The following RNF19A variants were observed in gnomAD, a reference collection of about 807,000 sequenced individuals.
RNF19A encodes E3 ubiquitin-protein ligase RNF19A.
Under a neutral mutation model 75.7 loss-of-function variants are expected in RNF19A, and 32 were observed. That is an observed-to-expected ratio of 0.42 (90% CI 0.32 to 0.57). The LOEUF (loss-of-function observed/expected upper bound fraction) is 0.57. Among genes scored for constraint, RNF19A ranks in the 20% least tolerant of loss-of-function variants. RNF19A has a pLI of 0.10. For missense variants in RNF19A, 782 were observed against 1,036.3 expected (o/e 0.75, Z 3.37); for synonymous variants, 335 against 345.2 (o/e 0.97, Z 0.33).
intron 5 of RNF19A, among the ~76,000 whole-genome samples, chr8:100,268,023 T>A (rs1820069170): frequency 6.6e-6 from 1 of 151,968 alleles, no homozygotes; most frequent in African/African-American, 2.4e-5. Context: ...TCTGCTTGGG[T>A]ACAAGGTTGG....
At chr8:100,272,350 C>T (rs1342395941) in intron 3 of RNF19A, among the ~76,000 whole-genome samples, 4 of 151,890 alleles carry the variant, frequency 2.6e-5, no homozygotes, top group African/African-American at 7.3e-5. Context: ...ACTAAGCACA[C>T]ATCTTCAGTG....
In RNF19A at chr8:100,259,108, T is replaced by C. The variant is rs750555037; in HGVS notation, c.1965A>G (p.Glu655=). The part of the protein sequence containing the change: ...HAGGSSSGLP[E]GKSSATKWSK... Reference sequence around the variant, plus strand: ...ACCACTTGGTGGCACTAGATTTACCTTCAGGCAAGCCACTGGATGAACCGC... The same window carrying C: ...ACCACTTGGTGGCACTAGATTTACCCTCAGGCAAGCCACTGGATGAACCGC... Residue 655 remains glutamate, a synonymous_variant, in exon 10 of 10, where the codon GAA becomes GAG. Coordinates refer to ENST00000341084, the MANE Select transcript of RNF19A (RefSeq NM_183419.4). The surrounding 1 kb of genome is among the most constrained non-coding windows in gnomAD (Gnocchi z 4.5). 6.2e-7 allele frequency: 1 copy of C among 1,614,226 alleles called. No homozygotes were observed. Among genetic ancestry groups the C allele is most frequent in the Admixed American group, 1.7e-5 (1 of 60,026 alleles).
At chr8:100,292,114 A>C (rs1233565196) in intron 1 of RNF19A, among the ~76,000 whole-genome samples, 1 of 152,148 alleles carries the variant, frequency 6.6e-6, no homozygotes, top group Non-Finnish European at 1.5e-5. Context: ...AAGACAAATA[A>C]AAAATACTAT....
At chr8:100,335,264 C>T (rs73696710) in intron 1 of RNF19A, among the ~76,000 whole-genome samples, 2,953 of 152,250 alleles carry the variant, frequency 0.019, 94 homozygotes, top group African/African-American at 0.068. Context: ...ACCAGGTACC[C>T]ATCCTAAATG....
rs1819693633 is a variant in RNF19A, at chr8:100,261,139, G to A, written c.1682+403C>T. Among the ~76,000 whole-genome samples, 1 of 151,918 alleles carries A rather than the reference G, an allele frequency of 6.6e-6. No homozygotes were observed. Among genetic ancestry groups the A allele is most frequent in the Non-Finnish European group, 1.5e-5 (1 of 67,998 alleles). ...TGAGACAGGGTCTCACTGTCACTCA[G>A]GTTGGAGCTCAGTGGTGTGATCTTG... On this transcript the variant is annotated intron_variant, in intron 8 of 9. Coordinates refer to ENST00000341084, the MANE Select transcript of RNF19A (RefSeq NM_183419.4). The surrounding 1 kb of genome is among the most constrained non-coding windows in gnomAD (Gnocchi z 4.4).
At chr8:100,286,391 A>T (rs758849738) in intron 2 of RNF19A, among the ~76,000 whole-genome samples, 15 of 152,204 alleles carry the variant, frequency 9.9e-5, no homozygotes, top group Non-Finnish European at 1.9e-4. Flanking sequence ...TCTAATAATG[A>T]ATAATATCTG....
intron 1 of RNF19A, among the ~76,000 whole-genome samples, chr8:100,295,602 C>CTA (rs1430865921): frequency 1.3e-5 from 2 of 152,128 alleles, no homozygotes; most frequent in East Asian, 1.9e-4. Flanking sequence ...GCAGCATTTA[C>CTA]TATATGTAGT....
intron 1 of RNF19A, among the ~76,000 whole-genome samples, chr8:100,318,813 G>A (rs555303326): frequency 6.6e-6 from 1 of 152,332 alleles, no homozygotes; most frequent in African/African-American, 2.4e-5. Context: ...TTCACCCTCA[G>A]AGTGAAATCC....
At chr8:100,305,965 A>G (rs2130212901) in intron 1 of RNF19A, among the ~76,000 whole-genome samples, 1 of 152,310 alleles carries the variant, frequency 6.6e-6, no homozygotes, top group Admixed American at 6.5e-5. Flanking sequence ...GTTATATAAT[A>G]TTTATCTGGA....
upstream of RNF19A, among the ~76,000 whole-genome samples, chr8:100,312,629 AAG>A (rs1327993401): frequency 6.8e-6 from 1 of 146,390 alleles, no homozygotes; most frequent in African/African-American, 2.5e-5. Flanking sequence ...GAGGGAGAGA[AAG>A]AAAGAAAGAA....
intron 2 of RNF19A, among the ~76,000 whole-genome samples, chr8:100,277,630 A>G (rs1490556215): frequency 6.6e-6 from 1 of 152,140 alleles, no homozygotes; most frequent in Non-Finnish European, 1.5e-5. Flanking sequence ...TAGACCAATT[A>G]TCTAATTACC....
At chr8:100,316,249 G>C (rs981794504) in intron 1 of RNF19A, among the ~76,000 whole-genome samples, 2 of 152,108 alleles carry the variant, frequency 1.3e-5, no homozygotes, top group Non-Finnish European at 2.9e-5. Flanking sequence ...TTCGCGGTGA[G>C]TGTTACAGCT....
chr8:100,319,393 A>G (rs1045296640), intron 1 of RNF19A, among the ~76,000 whole-genome samples: 1 of 152,108 alleles, frequency 6.6e-6, no homozygotes, highest in African/African-American at 2.4e-5. Flanking sequence ...CTTTTCTCAT[A>G]TTTGTATTAT....
At chr8:100,328,652 A>G (rs1822571808) in intron 1 of RNF19A, among the ~76,000 whole-genome samples, 1 of 152,016 alleles carries the variant, frequency 6.6e-6, no homozygotes, top group South Asian at 2.1e-4. Context: ...TTGCATTTTC[A>G]GTAGAGACGG....
At chr8:100,314,384 C>T (rs1822343902), upstream of RNF19A, among the ~76,000 whole-genome samples, 1 of 152,112 alleles carries the variant, frequency 6.6e-6, no homozygotes, top group South Asian at 2.1e-4. The surrounding 1 kb of genome is among the most constrained non-coding windows in gnomAD (Gnocchi z 4.1). Flanking sequence ...ATCTGAGGCA[C>T]AAGAGTTTAA....
In RNF19A at chr8:100,260,090, AC is replaced by A; in HGVS notation, c.1683-94del. ...AATAATTCAGTTAAGAACCCTAGTA[AC>A]CAGAAGCTATTTTAGGAACCATTAT... On this transcript the variant is annotated intron_variant, in intron 8 of 9. Coordinates refer to ENST00000341084, the MANE Select transcript of RNF19A (RefSeq NM_183419.4). This position sits in a 1 kb window ranked among gnomAD's most constrained non-coding sequence, Gnocchi z 4.1. 1 of 1,100,596 alleles carries A rather than the reference AC, an allele frequency of 9.1e-7. No individual in the cohort carries two copies. Among genetic ancestry groups the A allele is most frequent in the Non-Finnish European group, 1.3e-6 (1 of 746,260 alleles). 68.2% of individuals were successfully genotyped at this position (1,100,596 alleles called of 1,614,324 possible). A position where few individuals can be genotyped will look rare whatever the true frequency, so the allele number is the denominator to read the frequency against.
rs780734226 is a variant in RNF19A at position 100,288,102 on chromosome 8, T to G, written c.73A>C (p.Ile25Leu). Residue 25 changes from isoleucine to leucine, a missense_variant, in exon 2 of 10, where the codon ATT becomes CTT. Coordinates refer to ENST00000341084, the MANE Select transcript of RNF19A (RefSeq NM_183419.4). ...GLCVNTDPVS[I>L]LTSILDMSLH... The stretch of plus-strand genomic sequence containing the variant: ...CTCATGTCTAAAATGCTTGTTAGAA[T>G]TGAGACAGGGTCAGTGTTTACACAC... 2 of 1,614,002 alleles carry G rather than the reference T, an allele frequency of 1.2e-6. No homozygotes were observed. The highest frequency in any genetic ancestry group is 2.7e-5 in the African/African-American group (2 of 74,896).
chr8:100,298,658 G>A (rs1035330598), intron 1 of RNF19A, among the ~76,000 whole-genome samples: 33 of 152,166 alleles, frequency 2.2e-4, no homozygotes, highest in African/African-American at 8.0e-4. Context: ...TCACAAACAC[G>A]CACCTGCCAC....
chr8:100,297,280 C>T (rs544370077), intron 1 of RNF19A, among the ~76,000 whole-genome samples: 12 of 152,140 alleles, frequency 7.9e-5, no homozygotes, highest in East Asian at 5.8e-4. Context: ...TGTCCTTAGA[C>T]GCGTGAGCAC....
Sources: allele counts gnomAD v4.1 joint callset (sites outside exome capture counted in the v4.1 genomes callset), GRCh38; gene constraint gnomAD v4.1.1; non-coding constraint Gnocchi (gnomAD v3.1); transcripts MANE v1.5; gene names NCBI Gene and HGNC (gene_info 2026-07-23, HGNC 2026-07-21).